SYNDIG1: variants seen among roughly 807,000 people sequenced by gnomAD.
The protein encoded by SYNDIG1 is synapse differentiation inducing 1, also known as synapse differentiation-inducing gene protein 1.
A neutral mutation model predicts 19.4 loss-of-function variants in SYNDIG1; 9 were observed. That is an observed-to-expected ratio of 0.46 (90% CI 0.28 to 0.81). The LOEUF is 0.81. Ranked by LOEUF, SYNDIG1 falls within the 30% of genes least tolerant of loss-of-function variation. The pLI, the probability that SYNDIG1 is intolerant of heterozygous loss-of-function variation, is 0.12. For missense variants in SYNDIG1, 311 were observed against 343.3 expected (o/e 0.91, Z 0.74); for synonymous variants, 141 against 145.9 (o/e 0.97, Z 0.24).
chr20:24,512,194 C>A (rs1314213313), intron 1 of SYNDIG1, among the ~76,000 whole-genome samples: 2 of 142,714 alleles, frequency 1.4e-5, no homozygotes, highest in Admixed American at 1.4e-4. Flanking sequence ...CAGCTCCAGT[C>A]AACAGCTCCC....
chr20:24,521,057 A>G (rs1375132352), intron 1 of SYNDIG1, among the ~76,000 whole-genome samples: 1 of 152,194 alleles, frequency 6.6e-6, no homozygotes, highest in Non-Finnish European at 1.5e-5. Flanking sequence ...TATAAGTGGA[A>G]TCATACAGTA....
intron 3 of SYNDIG1, among the ~76,000 whole-genome samples, chr20:24,608,787 G>A (rs1447728620): frequency 6.7e-6 from 1 of 148,888 alleles, no homozygotes; most frequent in Non-Finnish European, 1.5e-5. Context: ...AGTGTAGATG[G>A]AGAGAATCAT....
chr20:24,591,267 G>A (rs1453042924), intron 3 of SYNDIG1, among the ~76,000 whole-genome samples: 1 of 152,078 alleles, frequency 6.6e-6, no homozygotes, highest in East Asian at 1.9e-4. Context: ...GGTGGCTCAT[G>A]CCTGTGGTCA....
chr20:24,576,642 C>T (rs1429892868), intron 2 of SYNDIG1, among the ~76,000 whole-genome samples: 1 of 152,184 alleles, frequency 6.6e-6, no homozygotes, highest in Admixed American at 6.5e-5. Context: ...GAGTCACAGA[C>T]ATGAACTCTA....
intron 1 of SYNDIG1, among the ~76,000 whole-genome samples, chr20:24,504,922 A>T (rs1357804928): frequency 1.3e-5 from 2 of 152,192 alleles, no homozygotes; most frequent in African/African-American, 4.8e-5. Context: ...AGCAACTAGG[A>T]AATCGTTGAA....
intron 3 of SYNDIG1, among the ~76,000 whole-genome samples, chr20:24,585,454 T>G (rs1049706983): frequency 2.1e-4 from 32 of 152,164 alleles, no homozygotes; most frequent in African/African-American, 7.2e-4. Context: ...TAGATTCCAG[T>G]TCCACAGCAG....
Position 24,665,389 on chromosome 20 carries a change from C to T in SYNDIG1, c.662C>T (p.Thr221Ile). 6.2e-7 allele frequency: 1 copy of T among 1,610,946 alleles called. No individual in the cohort carries two copies. Residue 221 changes from threonine to isoleucine, a missense_variant, in exon 4 of 4, where the codon ACC becomes ATC. By Grantham distance (89) the Thr-to-Ile change is moderately conservative. Coordinates refer to ENST00000376862, the MANE Select transcript of SYNDIG1 (RefSeq NM_024893.3). ...VAKGDLHQAS[T>I]SSRRALFLAV... Reference sequence around the variant, plus strand: ...AAGGGGGACTTGCACCAGGCCAGCACCAGCTCCCGGCGGGCCCTATTCCTG... The same window carrying T: ...AAGGGGGACTTGCACCAGGCCAGCATCAGCTCCCGGCGGGCCCTATTCCTG...
At chr20:24,553,602 C>G (rs1408227087) in intron 2 of SYNDIG1, among the ~76,000 whole-genome samples, 1 of 152,166 alleles carries the variant, frequency 6.6e-6, no homozygotes, top group Non-Finnish European at 1.5e-5. Flanking sequence ...TCAGGTTTGT[C>G]AAAGATCAGA....
chr20:24,500,286 C>T (rs919085015), intron 1 of SYNDIG1, among the ~76,000 whole-genome samples: 2 of 152,008 alleles, frequency 1.3e-5, no homozygotes, highest in Non-Finnish European at 2.9e-5. Context: ...TCACAGAAAT[C>T]GTTGATAGAA....
In SYNDIG1 at chr20:24,542,899, C is replaced by G. The variant is rs116992778; in HGVS notation, c.-78-121C>G. On this transcript the variant is annotated intron_variant, in intron 1 of 3. Coordinates refer to ENST00000376862, the MANE Select transcript of SYNDIG1 (RefSeq NM_024893.3). The stretch of plus-strand genomic sequence containing the variant: ...ATAGGTAGGACTGCATTTTATCTAA[C>G]TCTCACAGTTACTATGCGTTTATCA... 8.9e-4 allele frequency: 667 copies of G among 753,334 alleles called. 2 individuals carry two copies. The highest frequency in any genetic ancestry group is 1.9e-3 in the South Asian group (98 of 51,170). The allele number at this position is 753,334 out of a possible 1,614,324, so 46.7% of individuals were successfully genotyped here.
At chr20:24,542,531 A>C (rs924942232) in intron 1 of SYNDIG1, among the ~76,000 whole-genome samples, 1 of 152,222 alleles carries the variant, frequency 6.6e-6, no homozygotes, top group African/African-American at 2.4e-5. Flanking sequence ...CCTCAGTAGC[A>C]GATTCGTGTT....
rs11442019 is a variant in SYNDIG1, at chr20:24,471,602, TA to T, written c.-79+1866del. The stretch of plus-strand genomic sequence containing the variant: ...ATCCTCATAATCAAGAGGGCCTTGT[TA>T]AAAAAAAAAAAAAAAAGGAAAGAAA... On this transcript the variant is annotated intron_variant, in intron 1 of 3. Coordinates refer to ENST00000376862, the MANE Select transcript of SYNDIG1 (RefSeq NM_024893.3). Among the ~76,000 whole-genome samples the T allele has an allele frequency of 4.8e-3, 640 of 132,926 alleles. 6 individuals are homozygous for T. The Middle Eastern group carries it at 0.081, about 17-fold the overall frequency. The allele number at this position is 132,926 out of a possible 152,430, so 87.2% of individuals were successfully genotyped here.
intron 3 of SYNDIG1, among the ~76,000 whole-genome samples, chr20:24,586,023 G>T (rs1003266398): frequency 6.6e-6 from 1 of 152,212 alleles, no homozygotes; most frequent in African/African-American, 2.4e-5. Flanking sequence ...TGGGTTTGTT[G>T]GACGAGTGAG....
chr20:24,564,204 G>A (rs1464246018), intron 2 of SYNDIG1, among the ~76,000 whole-genome samples: 7 of 152,152 alleles, frequency 4.6e-5, no homozygotes, highest in Non-Finnish European at 4.4e-5. Flanking sequence ...CACATTATTT[G>A]AATTCAATAT....
intron 1 of SYNDIG1, among the ~76,000 whole-genome samples, chr20:24,507,634 C>A (rs1374872687): frequency 6.6e-6 from 1 of 152,204 alleles, no homozygotes; most frequent in Non-Finnish European, 1.5e-5. Flanking sequence ...GCAGCTTCCT[C>A]CTTTGGCTGC....
intron 1 of SYNDIG1, among the ~76,000 whole-genome samples, chr20:24,478,614 G>C (rs1250920714): frequency 6.6e-6 from 1 of 152,270 alleles, no homozygotes; most frequent in Admixed American, 6.5e-5. Context: ...ATGCACCGTA[G>C]ACAAACAGAT....
chr20:24,477,336 T>G (rs2055660214), intron 1 of SYNDIG1, among the ~76,000 whole-genome samples: 1 of 116,476 alleles, frequency 8.6e-6, no homozygotes, highest in South Asian at 2.3e-4. Flanking sequence ...CACTGTTTTG[T>G]TTTTTTTTTC....
intron 1 of SYNDIG1, among the ~76,000 whole-genome samples, chr20:24,484,357 A>G (rs1480002959): frequency 6.6e-6 from 1 of 152,150 alleles, no homozygotes. Context: ...CACATGAACG[A>G]TATTGGCCTT....
At chr20:24,564,573 G>A (rs376093967) in intron 2 of SYNDIG1, among the ~76,000 whole-genome samples, 6 of 152,078 alleles carry the variant, frequency 3.9e-5, no homozygotes, top group African/African-American at 9.7e-5. Flanking sequence ...AAAGAGGTGC[G>A]TTATTTGTTG....
Sources: gnomAD v4.1 joint callset for allele counts (sites outside exome capture counted in the v4.1 genomes callset) on GRCh38, gnomAD v4.1.1 for gene constraint, MANE v1.5 for transcripts, NCBI Gene and HGNC (gene_info 2026-07-23, HGNC 2026-07-21) for gene names.